The following CDC42BPA variants were observed in gnomAD, a reference collection of about 807,000 sequenced individuals.
CDC42BPA encodes serine/threonine-protein kinase MRCK alpha.
In CDC42BPA, 80 loss-of-function variants were observed where a neutral mutation model predicts 223.5. The ratio of observed to expected loss-of-function variants is 0.36; its 90% CI spans 0.30 to 0.43. The LOEUF is 0.43. Among genes scored for constraint, CDC42BPA ranks in the 20% least tolerant of loss-of-function variants. The pLI is 1.00. For missense variants in CDC42BPA, 1,743 were observed against 2,099.9 expected, an observed-to-expected ratio of 0.83 and a Z score of 3.32; for synonymous variants, 694 against 718.6, an observed-to-expected ratio of 0.97 and a Z score of 0.55.
chr1:227,004,749 C>A, intron 35 of CDC42BPA: 1 of 563,738 alleles, frequency 1.8e-6, no homozygotes, highest in East Asian at 3.1e-5. Flanking sequence ...TTTATCATCA[C>A]AATTTGTAAT....
chr1:227,193,126 T>C (rs1288780352), intron 5 of CDC42BPA, among the ~76,000 whole-genome samples: 2 of 145,234 alleles, frequency 1.4e-5, no homozygotes, highest in African/African-American at 2.6e-5. Flanking sequence ...TGGAGTGCAG[T>C]GGCGGGATCT....
At chr1:227,182,703 G>C (rs1668135973) in intron 5 of CDC42BPA, among the ~76,000 whole-genome samples, 1 of 152,118 alleles carries the variant, frequency 6.6e-6, no homozygotes, top group African/African-American at 2.4e-5. Flanking sequence ...CTAATTGGCT[G>C]GTAAAGTATT....
rs3768431 is a variant in CDC42BPA, at chr1:226,991,346, C to T, written c.*2922G>A. The T allele has an allele frequency of 0.14, 21,525 of 152,256 alleles. 1,940 individuals carry two copies. The highest frequency in any genetic ancestry group is 0.35 in the South Asian group (1,708 of 4,824). The allele number at this position is 152,256 out of a possible 1,614,324, so 9.4% of individuals were successfully genotyped here. On this transcript the variant is annotated 3_prime_UTR_variant, in exon 37 of 37. Transcript: ENST00000366766. ...CTTTATCTGTGAGCTGTGCTACTGA[C>T]TCCTCTGAATGGTCATTATGTTTTC... is the stretch of plus-strand genomic sequence containing the variant.
chr1:227,213,001 T>C, intron 3 of CDC42BPA, 135 bp downstream of exon 3: 1 of 507,834 alleles, frequency 2.0e-6, no homozygotes, highest in Non-Finnish European at 3.5e-6. Flanking sequence ...TGTGTTGAAT[T>C]TGTCTTTTAT....
chr1:227,089,732 G>A (rs1048287108), intron 16 of CDC42BPA, among the ~76,000 whole-genome samples: 13 of 146,722 alleles, frequency 8.9e-5, no homozygotes, highest in African/African-American at 3.0e-4. Context: ...TCTCATGGAT[G>A]TATTAGACTG....
chr1:227,036,318 G>A (rs1670212620), intron 24 of CDC42BPA, among the ~76,000 whole-genome samples: 1 of 151,650 alleles, frequency 6.6e-6, no homozygotes, highest in African/African-American at 2.4e-5. Context: ...TAAAGAGAAG[G>A]TCTTGCTATG....
chr1:227,209,660 T>G (rs201096019), intron 3 of CDC42BPA, among the ~76,000 whole-genome samples: 21,195 of 147,490 alleles, frequency 0.14, 1,525 homozygotes, highest in East Asian at 0.35. Flanking sequence ...GGATTACATT[T>G]ATTGATTTGC....
Position 227,119,905 on chromosome 1 carries a change from C to T in CDC42BPA, c.1546G>A (p.Ala516Thr), listed in dbSNP as rs777034871. ...SSHLEQQLEE[A>T]NAVRQELDDA... Reference sequence around the variant, plus strand: ...TCTAGTTCTTGCCTCACAGCATTAGCTTCTTCAAGTTGCTGTTCCAAATGA... The same window carrying T: ...TCTAGTTCTTGCCTCACAGCATTAGTTTCTTCAAGTTGCTGTTCCAAATGA... Residue 516 changes from alanine to threonine, a missense_variant, in exon 12 of 37, where the codon GCT (alanine) becomes ACT (threonine). By Grantham distance (58) the Ala-to-Thr change is moderately conservative. This residue lies in a region of CDC42BPA where 464 missense variants were observed against 488.0 expected (regional missense o/e 0.95). Coordinates refer to ENST00000366766, the MANE Select transcript of CDC42BPA (RefSeq NM_001394014.1). 4.4e-6 allele frequency: 7 copies of T among 1,596,420 alleles called. No individual in the cohort carries two copies. The South Asian group carries it at 5.7e-5, about 13-fold the overall frequency.
intron 34 of CDC42BPA, among the ~76,000 whole-genome samples, chr1:227,014,389 A>G (rs927642679): frequency 6.6e-6 from 1 of 152,118 alleles, no homozygotes; most frequent in Non-Finnish European, 1.5e-5. Flanking sequence ...AAAGAAAAGT[A>G]TATTACTATG....
At chr1:227,276,724 A>G (rs375158446) in intron 1 of CDC42BPA, among the ~76,000 whole-genome samples, 1 of 152,230 alleles carries the variant, frequency 6.6e-6, no homozygotes, top group African/African-American at 2.4e-5. Context: ...ATTTTGTTCT[A>G]TACTAAGAAA....
intron 24 of CDC42BPA, among the ~76,000 whole-genome samples, chr1:227,036,696 T>G (rs1670339593): frequency 6.7e-6 from 1 of 149,132 alleles, no homozygotes. Flanking sequence ...CCCAAAGTGC[T>G]GAGATTACAG....
At chr1:227,247,659 C>A (rs1245791052) in intron 2 of CDC42BPA, among the ~76,000 whole-genome samples, 1 of 151,628 alleles carries the variant, frequency 6.6e-6, no homozygotes, top group Admixed American at 6.6e-5. Context: ...CCAAGGCAGG[C>A]GGATCATCTG....
Position 227,044,005 on chromosome 1 carries a change from T to C in CDC42BPA, c.3094-3769A>G, listed in dbSNP as rs566593759. On this transcript the variant is annotated intron_variant, in intron 23 of 36. Coordinates refer to ENST00000366766, the MANE Select transcript of CDC42BPA (RefSeq NM_001394014.1). The stretch of plus-strand genomic sequence containing the variant: ...GTGTGAAGCTGCCTGTTTCTCCACA[T>C]CCATGACGTCATCTTACTTAATTTT... Among the ~76,000 whole-genome samples, 8 of 152,292 alleles carry C rather than the reference T, an allele frequency of 5.3e-5. No homozygotes were observed. In the South Asian group the frequency reaches 1.7e-3, roughly 32 times the overall value.
intron 5 of CDC42BPA, among the ~76,000 whole-genome samples, chr1:227,188,770 G>A (rs528736219): frequency 3.0e-4 from 45 of 152,222 alleles, no homozygotes; most frequent in Middle Eastern, 3.4e-3. Context: ...CTATTATGGC[G>A]GATACACGTT....
chr1:227,291,091 TA>T (rs1385026846), intron 1 of CDC42BPA, among the ~76,000 whole-genome samples: 1 of 152,108 alleles, frequency 6.6e-6, no homozygotes, highest in African/African-American at 2.4e-5. Flanking sequence ...GGTTCAGGAA[TA>T]GAGAGGAGAC....
intron 1 of CDC42BPA, among the ~76,000 whole-genome samples, chr1:227,256,936 T>TACACACACACACACACAC (rs1354956767): frequency 3.2e-5 from 3 of 93,174 alleles, no homozygotes; most frequent in Admixed American, 1.1e-4. Flanking sequence ...CAAAATGTGA[T>TACACACACACACACACAC]ATATATATAC....
chr1:227,251,788 CCTAA>C (rs1190068380), intron 2 of CDC42BPA, among the ~76,000 whole-genome samples: 1 of 152,004 alleles, frequency 6.6e-6, no homozygotes, highest in Non-Finnish European at 1.5e-5. Flanking sequence ...TTGAACTTGA[CCTAA>C]CTGATATTTA....
Position 227,026,036 on chromosome 1 carries a change from C to G in CDC42BPA, c.4530+19G>C, listed in dbSNP as rs111508623. 8.3e-3 allele frequency: 11,650 copies of G among 1,401,388 alleles called. 74 individuals carry two copies. Among genetic ancestry groups the G allele is most frequent in the Middle Eastern group, 0.01 (59 of 5,664 alleles). The allele number at this position is 1,401,388 out of a possible 1,614,324, so 86.8% of individuals were successfully genotyped here. A position where few individuals can be genotyped will look rare whatever the true frequency, so the allele number is the denominator to read the frequency against. On this transcript the variant is annotated intron_variant, in intron 31 of 36. Transcript: ENST00000366766. The stretch of plus-strand genomic sequence containing the variant: ...ACTTATACTCAGTTGGCTTAGCCCA[C>G]ATTTTAATGTTAAATTACCTTTTTG...
chr1:227,316,451 G>C (rs1466053432), intron 1 of CDC42BPA, among the ~76,000 whole-genome samples: 3 of 152,114 alleles, frequency 2.0e-5, no homozygotes, highest in African/African-American at 7.2e-5. Context: ...TTTAAACTAT[G>C]TCATTTAATC....
Sources: allele counts gnomAD v4.1 joint callset (sites outside exome capture counted in the v4.1 genomes callset), GRCh38; gene constraint gnomAD v4.1.1; regional missense constraint gnomAD v4.1.1; transcripts MANE v1.5; gene names NCBI Gene and HGNC (gene_info 2026-07-23, HGNC 2026-07-21).